The following S100Z variants were observed in gnomAD, a reference collection of about 807,000 sequenced individuals.
S100Z encodes the protein S100 calcium binding protein Z.
In S100Z, 11 loss-of-function variants were observed where a neutral mutation model predicts 8.5. The ratio of observed to expected loss-of-function variants is 1.30; its 90% CI spans 0.82 to 2.15. The LOEUF is 2.15. S100Z is among the 30% of genes most tolerant of loss of function. S100Z has a pLI of 0.00. For missense variants in S100Z, 126 were observed against 117.9 expected (o/e 1.07, Z -0.32); for synonymous variants, 34 against 43.8 (o/e 0.78, Z 0.89).
At chr5:76,870,858 A>G (rs557249745) in intron 2 of S100Z, among the ~76,000 whole-genome samples, 2 of 152,294 alleles carry the variant, frequency 1.3e-5, no homozygotes, top group African/African-American at 4.8e-5. Context: ...ACGCTGGCTC[A>G]CATCTATAAT....
the S100Z span, among the ~76,000 whole-genome samples, chr5:76,929,454 C>G: frequency 1.3e-5 from 2 of 152,074 alleles, no homozygotes; most frequent in Non-Finnish European, 2.9e-5. Flanking sequence ...CTGATACATG[C>G]AGTAAAAGGG....
the S100Z span, among the ~76,000 whole-genome samples, chr5:76,949,170 C>T: frequency 1.3e-5 from 2 of 152,142 alleles, no homozygotes; most frequent in African/African-American, 2.4e-5. Context: ...GGGCAGATCA[C>T]GAGGTCAGGA....
At chr5:76,905,791 T>G (rs1744404348) in intron 4 of S100Z, among the ~76,000 whole-genome samples, 1 of 152,194 alleles carries the variant, frequency 6.6e-6, no homozygotes. Flanking sequence ...AGGTTTTATG[T>G]TTAGTAGCTG....
chr5:76,862,221 C>A lies in S100Z; in HGVS notation c.-175-7945C>A, dbSNP rs140634633. 9.7e-4 allele frequency among the ~76,000 whole-genome samples: 147 copies of A among 151,742 alleles called. 4 individuals are homozygous for A. In the East Asian group the frequency reaches 0.027, roughly 28 times the overall value. ...GAGTAGCCTAATGAACTCCCATGTA[C>A]CCAGCTGAAGAAGGAGAATAGGGAA... is the stretch of plus-strand genomic sequence containing the variant. On this transcript the variant is annotated intron_variant, in intron 1 of 4. Coordinates refer to ENST00000317593, the MANE Select transcript of S100Z (RefSeq NM_130772.4).
At chr5:76,879,093 A>C (rs1413441232) in intron 4 of S100Z, among the ~76,000 whole-genome samples, 2 of 152,158 alleles carry the variant, frequency 1.3e-5, no homozygotes, top group Non-Finnish European at 2.9e-5. Context: ...GACAAGCAGA[A>C]GGCTACTGGG....
the S100Z span, among the ~76,000 whole-genome samples, chr5:76,932,740 C>T: frequency 6.6e-6 from 1 of 152,028 alleles, no homozygotes; most frequent in Non-Finnish European, 1.5e-5. Context: ...ATGACTTAGT[C>T]ATTACCTTTT....
the S100Z span, among the ~76,000 whole-genome samples, chr5:76,944,468 T>C: frequency 6.6e-6 from 1 of 152,142 alleles, no homozygotes; most frequent in South Asian, 2.1e-4. Flanking sequence ...CTCTTCAAGC[T>C]ATATAAAAAA....
At chr5:76,888,716 GA>G (rs1447651842) in intron 4 of S100Z, among the ~76,000 whole-genome samples, 1 of 152,074 alleles carries the variant, frequency 6.6e-6, no homozygotes, top group African/African-American at 2.4e-5. Flanking sequence ...GTGTCTGACG[GA>G]AGTTTTCATT....
At chr5:76,896,868 C>G (rs1179405654) in intron 4 of S100Z, among the ~76,000 whole-genome samples, 1 of 152,068 alleles carries the variant, frequency 6.6e-6, no homozygotes, top group African/African-American at 2.4e-5. Context: ...CTTTTGCCTA[C>G]TTTTTGGTTG....
intron 4 of S100Z, among the ~76,000 whole-genome samples, chr5:76,910,771 C>A (rs574545280): frequency 1.3e-5 from 2 of 152,312 alleles, no homozygotes; most frequent in South Asian, 4.1e-4. Flanking sequence ...AGGAAATTGA[C>A]TTCCTCCTGG....
intron 4 of S100Z, 143 bp from the exon 5 acceptor site, chr5:76,920,574 A>G (rs975017290): frequency 6.6e-6 from 1 of 152,182 alleles, no homozygotes; most frequent in Non-Finnish European, 1.5e-5. Flanking sequence ...ACTCTCCTCA[A>G]TGCAGAGCAG....
intron 4 of S100Z, among the ~76,000 whole-genome samples, chr5:76,903,981 C>T (rs973461805): frequency 9.9e-5 from 15 of 151,598 alleles, no homozygotes; most frequent in African/African-American, 3.6e-4. Context: ...ATGATCCACA[C>T]ACCTTGGCCT....
intron 1 of S100Z, among the ~76,000 whole-genome samples, chr5:76,867,269 G>C (rs1742791655): frequency 6.6e-6 from 1 of 152,154 alleles, no homozygotes; most frequent in Admixed American, 6.5e-5. Context: ...GATTCCTCAT[G>C]CTGTTGCTAG....
At chr5:76,904,111 A>G (rs189038906) in intron 4 of S100Z, among the ~76,000 whole-genome samples, 63 of 152,108 alleles carry the variant, frequency 4.1e-4, no homozygotes, top group African/African-American at 1.4e-3. Context: ...TTATGTTTCT[A>G]TTCTTGAGTT....
chr5:76,865,100 G>A (rs1264700713), intron 1 of S100Z, among the ~76,000 whole-genome samples: 9 of 152,230 alleles, frequency 5.9e-5, no homozygotes, highest in Middle Eastern at 3.4e-3. Flanking sequence ...TTCAGAAGGC[G>A]TTGTTATCAC....
At chr5:76,867,312 A>T (rs1474156154) in intron 1 of S100Z, among the ~76,000 whole-genome samples, 1 of 152,156 alleles carries the variant, frequency 6.6e-6, no homozygotes, top group Non-Finnish European at 1.5e-5. Context: ...CTGGTTACAT[A>T]AAAAGACAAA....
chr5:76,925,645 T>C (rs1745126236), downstream of S100Z, among the ~76,000 whole-genome samples: 1 of 152,104 alleles, frequency 6.6e-6, no homozygotes, highest in African/African-American at 2.4e-5. Context: ...AAGAACTTAG[T>C]GGCTGACAGT....
At chr5:76,941,502 C>T in the S100Z span, among the ~76,000 whole-genome samples, 1 of 152,186 alleles carries the variant, frequency 6.6e-6, no homozygotes, top group African/African-American at 2.4e-5. Flanking sequence ...GATTGTGAGG[C>T]CTCCCCAGCC....
chr5:76,879,927 C>A (rs569533289), intron 4 of S100Z, among the ~76,000 whole-genome samples: 1 of 152,016 alleles, frequency 6.6e-6, no homozygotes, highest in East Asian at 1.9e-4. Flanking sequence ...GTGAAGAGAC[C>A]CCCAGACAGG....
Sources: allele counts gnomAD v4.1 joint callset (sites outside exome capture counted in the v4.1 genomes callset), GRCh38; gene constraint gnomAD v4.1.1; transcripts MANE v1.5; gene names NCBI Gene and HGNC (gene_info 2026-07-23, HGNC 2026-07-21).